Variants in THSD7B observed in about 807,000 individuals in gnomAD.
THSD7B encodes thrombospondin type-1 domain-containing protein 7B.
A neutral mutation model predicts 213.6 loss-of-function variants in THSD7B; 138 were observed. The ratio of observed to expected loss-of-function variants is 0.65; its 90% CI spans 0.56 to 0.74. The LOEUF is 0.74. THSD7B is among the 30% of genes least tolerant of loss of function. The pLI is 0.00. For synonymous variants in THSD7B, 742 were observed against 687.0 expected, an observed-to-expected ratio of 1.08 and a Z score of -1.25; for missense variants, 1,931 against 1,991.5, an observed-to-expected ratio of 0.97 and a Z score of 0.58.
At chr2:137,614,793 TTTACAA>T (rs1344969644) in intron 17 of THSD7B, among the ~76,000 whole-genome samples, 1 of 152,158 alleles carries the variant, frequency 6.6e-6, no homozygotes, top group African/African-American at 2.4e-5. Flanking sequence ...GGTCCAAACT[TTTACAA>T]TTAGAAGAAA....
At chr2:137,042,806 C>T (rs530611511) in intron 2 of THSD7B, among the ~76,000 whole-genome samples, 1 of 152,280 alleles carries the variant, frequency 6.6e-6, no homozygotes, top group African/African-American at 2.4e-5. Flanking sequence ...TTAATGAGCC[C>T]TTATAATTAT....
intron 12 of THSD7B, among the ~76,000 whole-genome samples, chr2:137,307,110 A>C (rs966003280): frequency 3.9e-5 from 6 of 152,148 alleles, no homozygotes; most frequent in Non-Finnish European, 7.3e-5. Context: ...GAGCTTCTGC[A>C]GCAGCTTTAT....
chr2:137,560,392 A>G lies in THSD7B; in HGVS notation c.3139-2829A>G, dbSNP rs574742508. On this transcript the variant is annotated intron_variant, in intron 15 of 27. Coordinates refer to ENST00000409968, the MANE Select transcript of THSD7B (RefSeq NM_001316349.2). Reference sequence around the variant, plus strand: ...GAATACTATGCAGCCATAAAATATGATGAGTTCATGTCCTTTGTAGGGACA... The same window carrying G: ...GAATACTATGCAGCCATAAAATATGGTGAGTTCATGTCCTTTGTAGGGACA... 7.9e-5 allele frequency among the ~76,000 whole-genome samples: 12 copies of G among 152,326 alleles called. No homozygotes were observed. The South Asian group carries it at 2.5e-3, about 32-fold the overall frequency.
chr2:136,825,718 A>ATTTTTT (rs55814718), intron 1 of THSD7B, among the ~76,000 whole-genome samples: 7 of 116,898 alleles, frequency 6.0e-5, no homozygotes, highest in East Asian at 3.7e-4. Context: ...TGCCTGGCTA[A>ATTTTTT]TTTTTTTTTT....
At chr2:136,905,136 A>T (rs1440147728) in intron 2 of THSD7B, among the ~76,000 whole-genome samples, 2 of 152,222 alleles carry the variant, frequency 1.3e-5, no homozygotes, top group Non-Finnish European at 2.9e-5. Flanking sequence ...TCACTGGTAG[A>T]GGTGAAATGA....
At chr2:137,035,155 C>A (rs10182444) in intron 2 of THSD7B, among the ~76,000 whole-genome samples, 6 of 151,958 alleles carry the variant, frequency 3.9e-5, no homozygotes, top group South Asian at 2.1e-4. Flanking sequence ...TATCGTTTCC[C>A]TTTTTTTGGA....
At chr2:137,271,809 A>G (rs1682744937) in intron 10 of THSD7B, among the ~76,000 whole-genome samples, 1 of 152,102 alleles carries the variant, frequency 6.6e-6, no homozygotes, top group Non-Finnish European at 1.5e-5. Context: ...TAAGCACTTT[A>G]ACGATAATTG....
chr2:137,020,432 A>G (rs1486152754), intron 2 of THSD7B, among the ~76,000 whole-genome samples: 1 of 152,054 alleles, frequency 6.6e-6, no homozygotes, highest in Non-Finnish European at 1.5e-5. Context: ...GATTGTGCTT[A>G]TTTTCTCCTA....
chr2:137,546,352 T>TATATATATATTATATATATATATA (rs1680707568), intron 15 of THSD7B, among the ~76,000 whole-genome samples: 9 of 63,464 alleles, frequency 1.4e-4, no homozygotes, highest in Non-Finnish European at 2.3e-4. Context: ...GAAGTCAGCA[T>TATATATATATTATATATATATATA]ATATATATAT....
At chr2:137,064,896 T>C (rs569062972) in intron 3 of THSD7B, among the ~76,000 whole-genome samples, 1 of 152,228 alleles carries the variant, frequency 6.6e-6, no homozygotes, top group East Asian at 1.9e-4. Flanking sequence ...CCATACTGTT[T>C]TGTTTACTGT....
intron 12 of THSD7B, among the ~76,000 whole-genome samples, chr2:137,324,448 C>A (rs1432462080): frequency 6.9e-6 from 1 of 143,926 alleles, no homozygotes; most frequent in Non-Finnish European, 1.6e-5. Context: ...TTCATTCAAT[C>A]AAAAATTTCT....
intron 7 of THSD7B, among the ~76,000 whole-genome samples, chr2:137,206,216 C>G (rs1267864610): frequency 2.6e-5 from 4 of 151,836 alleles, no homozygotes; most frequent in African/African-American, 9.7e-5. Context: ...TTGACACCTC[C>G]CTCAGAGGTA....
At chr2:137,260,018 T>C (rs1682404384) in intron 10 of THSD7B, among the ~76,000 whole-genome samples, 1 of 152,162 alleles carries the variant, frequency 6.6e-6, no homozygotes, top group Non-Finnish European at 1.5e-5. Flanking sequence ...GCTTTCACTA[T>C]CAGTGATGGA....
Position 137,360,622 on chromosome 2 carries a change from A to T in THSD7B, c.2501-44991A>T, listed in dbSNP as rs566311456. On this transcript the variant is annotated intron_variant, in intron 12 of 27. Transcript: ENST00000409968. ...GAGCCTTGCTCACTGCTAGTCCAAG[A>T]TTGAACTGCTGGGCGGCAAGCCTGG... Among the ~76,000 whole-genome samples, 15 of 152,248 alleles carry T rather than the reference A, an allele frequency of 9.9e-5. No homozygotes were observed. In the South Asian group the frequency reaches 3.1e-3, roughly 32 times the overall value.
chr2:137,654,595 C>T (rs1683200858), intron 21 of THSD7B, among the ~76,000 whole-genome samples: 3 of 152,110 alleles, frequency 2.0e-5, no homozygotes, highest in Non-Finnish European at 4.4e-5. Context: ...TGGTTCTGGG[C>T]AGATTCGGGG....
At chr2:137,167,344 G>A (rs1377897863) in intron 6 of THSD7B, among the ~76,000 whole-genome samples, 2 of 151,944 alleles carry the variant, frequency 1.3e-5, no homozygotes, top group East Asian at 3.9e-4. Context: ...GGGATTACAG[G>A]CAGGTGCCAC....
At chr2:137,448,642 A>C (rs1401016807) in intron 14 of THSD7B, among the ~76,000 whole-genome samples, 3 of 151,914 alleles carry the variant, frequency 2.0e-5, no homozygotes, top group Non-Finnish European at 2.9e-5. Flanking sequence ...CTAAAAATAC[A>C]AAAAAAATTA....
chr2:137,202,031 G>T, intron 7 of THSD7B, among the ~76,000 whole-genome samples: 1 of 152,088 alleles, frequency 6.6e-6, no homozygotes, highest in East Asian at 1.9e-4. Flanking sequence ...TGGGTCCTTT[G>T]CTGCACATCA....
chr2:137,218,017 A>T (rs6430694), intron 7 of THSD7B, among the ~76,000 whole-genome samples: 145,797 of 152,214 alleles, frequency 0.96, 69,877 homozygotes, highest in East Asian at 1. Flanking sequence ...AGTAGGCCAG[A>T]TAGAATAAGA....
Sources: allele counts gnomAD v4.1 joint callset (sites outside exome capture counted in the v4.1 genomes callset), GRCh38; gene constraint gnomAD v4.1.1; transcripts MANE v1.5; gene names NCBI Gene and HGNC (gene_info 2026-07-23, HGNC 2026-07-21).